ADGRL1: variants seen among roughly 807,000 people sequenced by gnomAD.
ADGRL1 encodes the protein adhesion G protein-coupled receptor L1.
A neutral mutation model predicts 148.9 loss-of-function variants in ADGRL1; 31 were observed. The observed-to-expected ratio is 0.21, with a 90% CI of 0.16 to 0.28. The LOEUF (loss-of-function observed/expected upper bound fraction) is 0.28, where lower values mean the gene tolerates loss of function less well. ADGRL1 is among the 10% of genes least tolerant of loss of function. The pLI, the probability that ADGRL1 is intolerant of heterozygous loss-of-function variation, is 1.00. For synonymous variants in ADGRL1, 937 were observed against 900.3 expected (o/e 1.04, Z -0.73); for missense variants, 1,521 against 2,058.8 (o/e 0.74, Z 5.05).
chr19:14,161,432 C>G lies in ADGRL1; in HGVS notation c.1390G>C (p.Ala464Pro). ...TCAGGGGACACGTGTAGATTCGGGG[C>G]TGGGGGCCGCCGGGTGCTGGGGACT... is the stretch of plus-strand genomic sequence containing the variant. ...APVPSTRRPP[A>P]PNLHVSPELF... The change falls in exon 6 of 23, where the codon GCC becomes CCC. Residue 464 changes from alanine to proline, a missense_variant. Ala to Pro is a conservative substitution (Grantham distance 27, BLOSUM62 -1). Around this residue, in one of 8 missense-constraint regions of ADGRL1, gnomAD observed 270 missense variants for 320.4 expected, o/e 0.84. Transcript: ENST00000361434. This position sits in a 1 kb window ranked among gnomAD's most constrained non-coding sequence, Gnocchi z 4.4. The G allele has an allele frequency of 6.8e-7, 1 of 1,471,864 alleles. No individual in the cohort carries two copies. The highest frequency in any genetic ancestry group is 9.0e-7 in the Non-Finnish European group (1 of 1,112,630). 91.2% of individuals were successfully genotyped at this position (1,471,864 alleles called of 1,614,324 possible).
In ADGRL1 at chr19:14,178,056, T is replaced by A. The variant is rs909767329; in HGVS notation, c.71-312A>T. ...GCTACACCAGATATGCTGTTATGGA[T>A]TGAACTGTGTTCCCCTGAAAATTCA... On this transcript the variant is annotated intron_variant, in intron 2 of 22. Coordinates refer to ENST00000361434, the MANE Select transcript of ADGRL1 (RefSeq NM_014921.5). 2.6e-5 allele frequency among the ~76,000 whole-genome samples: 4 copies of A among 152,158 alleles called. No individual in the cohort carries two copies. The East Asian group carries it at 7.7e-4, about 29-fold the overall frequency.
At chr19:14,167,047 A>G (rs555005977) in intron 4 of ADGRL1, 58 of 1,604,936 alleles carry the variant, frequency 3.6e-5, no homozygotes, top group Non-Finnish European at 4.9e-5. Context: ...TAAGCATCGG[A>G]AGAGAGAGAG....
At chr19:14,199,891 A>G (rs1972489424) in intron 1 of ADGRL1, among the ~76,000 whole-genome samples, 2 of 151,208 alleles carry the variant, frequency 1.3e-5, no homozygotes, top group South Asian at 4.2e-4. Context: ...TCACCACCAC[A>G]CCCAGCTAAT....
intron 4 of ADGRL1, chr19:14,170,471 G>A (rs912368185): frequency 6.0e-6 from 3 of 502,920 alleles, no homozygotes; most frequent in African/African-American, 3.9e-5. Flanking sequence ...CCCACAGGAG[G>A]GGACAGAGTC....
In ADGRL1 at chr19:14,163,421, C is replaced by T. The variant is rs1249077939; in HGVS notation, c.395-15G>A. 9 of 1,378,802 alleles carry T rather than the reference C, an allele frequency of 6.5e-6. No homozygotes were observed. The highest frequency in any genetic ancestry group is 5.2e-5 in the African/African-American group (3 of 57,548). The allele number at this position is 1,378,802 out of a possible 1,614,324, so 85.4% of individuals were successfully genotyped here. On this transcript the variant is annotated splice_polypyrimidine_tract_variant and intron_variant, in intron 4 of 22. Coordinates refer to ENST00000361434, the MANE Select transcript of ADGRL1 (RefSeq NM_014921.5). ...GCACACGAAGACTGGGCAGAGTGGG[C>T]GGGAGGGGAGGAGGTAGGAGAGAAG...
In ADGRL1 at chr19:14,157,763, GC is replaced by G. The variant is rs1968919940; in HGVS notation, c.2535+118del. 1 of 1,274,762 alleles carries G rather than the reference GC, an allele frequency of 7.8e-7. No individual in the cohort carries two copies. The highest frequency in any genetic ancestry group is 1.1e-6 in the Non-Finnish European group (1 of 937,604). 79.0% of individuals were successfully genotyped at this position (1,274,762 alleles called of 1,614,324 possible). On this transcript the variant is annotated intron_variant, in intron 13 of 22. Transcript: ENST00000361434. The surrounding 1 kb of genome is among the most constrained non-coding windows in gnomAD (Gnocchi z 7.5). ...CCTCATGCCCCAGGCAAGACCAGGG[GC>G]CCCCCACACCCATGGGGCTAGCCTC...
Position 14,163,359 on chromosome 19 carries a change from T to G in ADGRL1, c.442A>C (p.Thr148Pro). The G allele has an allele frequency of 6.3e-7, 1 of 1,599,210 alleles. No individual in the cohort carries two copies. Among genetic ancestry groups the G allele is most frequent in the Non-Finnish European group, 8.5e-7 (1 of 1,173,944 alleles). ...TLQKVLEPTSTHESEHQSGAW... is the reference protein window; with the variant it reads ...TLQKVLEPTSPHESEHQSGAW... ...CCAGACTGGTGCTCTGACTCGTGTG[T>G]CGAGGTGGGCTCCAGCACCTTCTGC... The change falls in exon 5 of 23, where the codon ACA becomes CCA. Residue 148 changes from threonine (T) to proline (P), a missense_variant. Physicochemically the swap from Thr to Pro is conservative, Grantham distance 38. Around this residue, in one of 8 missense-constraint regions of ADGRL1, gnomAD observed 334 missense variants for 512.5 expected, o/e 0.65. Transcript: ENST00000361434.
intron 2 of ADGRL1, among the ~76,000 whole-genome samples, chr19:14,183,218 C>CGAGAGAGAGACA (rs1555790252): frequency 8.0e-6 from 1 of 124,868 alleles, no homozygotes; most frequent in Non-Finnish European, 1.9e-5. Flanking sequence ...AGAGAGAGAG[C>CGAGAGAGAGACA]GAGAGAGAGA....
intron 1 of ADGRL1, among the ~76,000 whole-genome samples, chr19:14,194,513 T>G (rs532185149): frequency 1.3e-5 from 2 of 152,368 alleles, no homozygotes; most frequent in South Asian, 4.1e-4. Flanking sequence ...GTAACTCATG[T>G]AATCCTAATA....
In ADGRL1 at chr19:14,163,026, C is replaced by T. The variant is rs762418848; in HGVS notation, c.775G>A (p.Gly259Arg). The change falls in exon 5 of 23, where the codon GGA becomes AGA. Residue 259 changes from glycine (G) to arginine (R), a missense_variant. Physicochemically the swap from Gly to Arg is moderately radical, Grantham distance 125 (BLOSUM62 -2). Around this residue, in one of 8 missense-constraint regions of ADGRL1, gnomAD observed 334 missense variants for 512.5 expected, o/e 0.65. Coordinates refer to ENST00000361434, the MANE Select transcript of ADGRL1 (RefSeq NM_014921.5). ...YHDTSPYRWG[G>R]KTDIDLAVDE... Reference sequence around the variant, plus strand: ...ACCGCCAGGTCAATGTCGGTCTTTCCGCCCCAGCGGTAGGGCGAGGTGTCA... The same window carrying T: ...ACCGCCAGGTCAATGTCGGTCTTTCTGCCCCAGCGGTAGGGCGAGGTGTCA... The T allele has an allele frequency of 5.0e-6, 8 of 1,614,140 alleles. No individual in the cohort carries two copies. Among genetic ancestry groups the T allele is most frequent in the Non-Finnish European group, 5.9e-6 (7 of 1,180,032 alleles).
chr19:14,166,670 C>A (rs1044435993), intron 4 of ADGRL1, among the ~76,000 whole-genome samples: 1 of 139,070 alleles, frequency 7.2e-6, no homozygotes. Flanking sequence ...GCCCTGGATG[C>A]TTATACACTT....
intron 3 of ADGRL1, among the ~76,000 whole-genome samples, chr19:14,172,273 C>A (rs1970524723): frequency 1.3e-5 from 2 of 151,982 alleles, no homozygotes; most frequent in African/African-American, 4.8e-5. Context: ...AATACAAAAA[C>A]TAGCCAGGCG....
At chr19:14,167,839 G>A (rs1390957746) in intron 4 of ADGRL1, among the ~76,000 whole-genome samples, 1 of 152,126 alleles carries the variant, frequency 6.6e-6, no homozygotes, top group African/African-American at 2.4e-5. Context: ...CTCCCCAGGG[G>A]CAAGTCTGAG....
At chr19:14,182,739 T>C (rs1251922643) in intron 2 of ADGRL1, among the ~76,000 whole-genome samples, 1 of 152,090 alleles carries the variant, frequency 6.6e-6, no homozygotes, top group Non-Finnish European at 1.5e-5. Context: ...GGGCAGGACC[T>C]GGATGGGCAG....
chr19:14,155,748 G>C lies in ADGRL1; in HGVS notation c.3126-221C>G, dbSNP rs938110966. On this transcript the variant is annotated intron_variant, in intron 17 of 22. Coordinates refer to ENST00000361434, the MANE Select transcript of ADGRL1 (RefSeq NM_014921.5). The surrounding 1 kb of genome is among the most constrained non-coding windows in gnomAD (Gnocchi z 5.0). ...GTACTGGGTCAGGGGTCGGGGTATT[G>C]TGAACATCAGTTATTCCTCTGCCAA... The C allele has an allele frequency of 1.7e-5, 10 of 586,582 alleles. No homozygotes were observed. The highest frequency in any genetic ancestry group is 3.0e-5 in the Non-Finnish European group (10 of 329,938). The allele number at this position is 586,582 out of a possible 1,614,324, so 36.3% of individuals were successfully genotyped here.
Position 14,160,268 on chromosome 19 carries a change from G to A in ADGRL1, c.1644C>T (p.Ile548=), listed in dbSNP as rs895887081. ...KIKSGENAAN[I]ASELARHTRG... is the part of the protein sequence containing the mutation. ...GGGTGTGTCGGGCCAGCTCGCTGGC[G>A]ATGTTGGCCGCGTTCTCCCCACTCT... The change falls in exon 8 of 23, where the codon ATC becomes ATT. Residue 548 remains isoleucine, a synonymous_variant. Transcript: ENST00000361434. The surrounding 1 kb of genome is among the most constrained non-coding windows in gnomAD (Gnocchi z 5.9). 1.9e-6 allele frequency: 3 copies of A among 1,592,602 alleles called. No homozygotes were observed. Among genetic ancestry groups the A allele is most frequent in the East Asian group, 4.5e-5 (2 of 44,218 alleles).
At position 14,166,883 on chromosome 19, in the gene ADGRL1, G is replaced by C. The variant is rs562900921; in HGVS notation, c.395-3477C>G. On this transcript the variant is annotated intron_variant, in intron 4 of 22. Coordinates refer to ENST00000361434, the MANE Select transcript of ADGRL1 (RefSeq NM_014921.5). The stretch of plus-strand genomic sequence containing the variant: ...TGGTCCCACTGGGAGGACAACCCAG[G>C]GTGGGGGATACCGACCGGACCAAGT... 4 of 928,324 alleles carry C rather than the reference G, an allele frequency of 4.3e-6. No homozygotes were observed. In the East Asian group the frequency reaches 7.3e-5, roughly 17 times the overall value. 57.5% of individuals were successfully genotyped at this position (928,324 alleles called of 1,614,324 possible). A position where few individuals can be genotyped will look rare whatever the true frequency, so the allele number is the denominator to read the frequency against.
chr19:14,205,048 G>A (rs947260990), intron 1 of ADGRL1, among the ~76,000 whole-genome samples: 3 of 152,090 alleles, frequency 2.0e-5, no homozygotes, highest in Admixed American at 6.5e-5. Context: ...TGTAGAGACA[G>A]GGGTGTGTGT....
At position 14,159,325 on chromosome 19, in the gene ADGRL1, C is replaced by G. The variant is rs1251615894; in HGVS notation, c.2023+76G>C. Reference sequence around the variant, plus strand: ...AAGATGCCCAAGGGTCGGATAGCCCCCCTGTGGCCTCCAGGCCAGAACCCC... The same window carrying G: ...AAGATGCCCAAGGGTCGGATAGCCCGCCTGTGGCCTCCAGGCCAGAACCCC... On this transcript the variant is annotated intron_variant, in intron 10 of 22. Transcript: ENST00000361434. This position sits in a 1 kb window ranked among gnomAD's most constrained non-coding sequence, Gnocchi z 6.0. 6.4e-7 allele frequency: 1 copy of G among 1,572,260 alleles called. No homozygotes were observed. Among genetic ancestry groups the G allele is most frequent in the Non-Finnish European group, 8.7e-7 (1 of 1,155,386 alleles).
Sources: allele counts gnomAD v4.1 joint callset (sites outside exome capture counted in the v4.1 genomes callset), GRCh38; gene constraint gnomAD v4.1.1; regional missense constraint gnomAD v4.1.1; non-coding constraint Gnocchi (gnomAD v3.1); transcripts MANE v1.5; gene names NCBI Gene and HGNC (gene_info 2026-07-23, HGNC 2026-07-21).